The following TAFA1 variants were observed in gnomAD, a reference collection of about 807,000 sequenced individuals.
TAFA1 encodes the protein chemokine-like protein TAFA-1.
TAFA1 carries 4 observed loss-of-function variants against 18.5 expected under a neutral mutation model. That is an observed-to-expected ratio of 0.22 (90% CI 0.11 to 0.49). TAFA1 has a LOEUF of 0.49. Ranked by LOEUF, TAFA1 falls within the 20% of genes least tolerant of loss-of-function variation. The probability of loss-of-function intolerance (pLI) is 0.98; values close to 1 mark genes in which losing one functional copy is unlikely to be tolerated. For synonymous variants in TAFA1, 56 were observed against 55.2 expected (o/e 1.01, Z -0.06); for missense variants, 147 against 169.0 (o/e 0.87, Z 0.72).
chr3:68,452,387 G>T (rs1271988471), intron 3 of TAFA1, among the ~76,000 whole-genome samples: 22 of 151,958 alleles, frequency 1.4e-4, no homozygotes, highest in Admixed American at 1.4e-3. Flanking sequence ...GCTGGGCGTT[G>T]TTGCAGGAAC....
chr3:68,056,037 T>C (rs1329717110), intron 2 of TAFA1, among the ~76,000 whole-genome samples: 1 of 152,278 alleles, frequency 6.6e-6, no homozygotes, highest in African/African-American at 2.4e-5. Flanking sequence ...GGTCCAACTA[T>C]CCAATTCCAT....
intron 3 of TAFA1, among the ~76,000 whole-genome samples, chr3:68,466,715 A>G (rs1438487508): frequency 6.6e-6 from 1 of 152,286 alleles, no homozygotes; most frequent in Middle Eastern, 3.4e-3. Context: ...TTATTTTAAC[A>G]TTAGCTCATT....
chr3:68,058,471 T>C (rs1170631933), intron 2 of TAFA1, among the ~76,000 whole-genome samples: 1 of 152,168 alleles, frequency 6.6e-6, no homozygotes, highest in Non-Finnish European at 1.5e-5. Flanking sequence ...TGTAAGATCA[T>C]TTTCCCCTTC....
At chr3:68,506,952 GC>G (rs200162913) in intron 3 of TAFA1, among the ~76,000 whole-genome samples, 7,058 of 152,060 alleles carry the variant, frequency 0.046, 241 homozygotes, top group Non-Finnish European at 0.067. Context: ...GTTTATTATG[GC>G]CTCACGCAAA....
intron 2 of TAFA1, among the ~76,000 whole-genome samples, chr3:68,076,381 T>A (rs1240360974): frequency 1.3e-5 from 2 of 151,800 alleles, no homozygotes; most frequent in East Asian, 3.9e-4. Flanking sequence ...TATGTATACA[T>A]GTGCCATGCT....
At chr3:68,089,938 G>A (rs987064089) in intron 2 of TAFA1, among the ~76,000 whole-genome samples, 1 of 152,180 alleles carries the variant, frequency 6.6e-6, no homozygotes, top group Non-Finnish European at 1.5e-5. Flanking sequence ...CTCTGAGAAT[G>A]AAATTGGCTG....
chr3:68,211,460 C>G (rs747911146), intron 2 of TAFA1, among the ~76,000 whole-genome samples: 4 of 152,032 alleles, frequency 2.6e-5, no homozygotes, highest in African/African-American at 4.8e-5. Flanking sequence ...TATTTACTGA[C>G]ATTCTACCAT....
intron 2 of TAFA1, among the ~76,000 whole-genome samples, chr3:68,362,554 A>G (rs923938791): frequency 6.6e-6 from 1 of 152,154 alleles, no homozygotes; most frequent in African/African-American, 2.4e-5. Context: ...CTCAACGTAT[A>G]AGCTTCTGAG....
chr3:68,233,662 A>G (rs1261261922), intron 2 of TAFA1, among the ~76,000 whole-genome samples: 1 of 152,052 alleles, frequency 6.6e-6, no homozygotes, highest in Non-Finnish European at 1.5e-5. Flanking sequence ...GAAGAATGTC[A>G]TTGGTATTTT....
chr3:68,183,317 C>G (rs191127548), intron 2 of TAFA1, among the ~76,000 whole-genome samples: 3 of 152,172 alleles, frequency 2.0e-5, no homozygotes, highest in East Asian at 3.9e-4. Context: ...TCATTATGCC[C>G]CATGATTGGA....
At chr3:68,261,624 G>A (rs1005016974) in intron 2 of TAFA1, among the ~76,000 whole-genome samples, 1 of 152,138 alleles carries the variant, frequency 6.6e-6, no homozygotes, top group Non-Finnish European at 1.5e-5. Flanking sequence ...TAGGGGCATA[G>A]ATGAAACTGG....
chr3:68,391,218 C>G (rs1034766387), intron 2 of TAFA1, among the ~76,000 whole-genome samples: 3 of 151,968 alleles, frequency 2.0e-5, no homozygotes, highest in Non-Finnish European at 4.4e-5. Flanking sequence ...GAAGCATATA[C>G]AAGTGTCAAT....
intron 2 of TAFA1, among the ~76,000 whole-genome samples, chr3:68,201,874 C>T (rs769720465): frequency 2.5e-4 from 38 of 151,768 alleles, no homozygotes; most frequent in Non-Finnish European, 4.7e-4. Context: ...TGCCATAACA[C>T]GATGGAGAAT....
At chr3:68,395,730 C>T (rs1001885496) in intron 2 of TAFA1, among the ~76,000 whole-genome samples, 8 of 152,148 alleles carry the variant, frequency 5.3e-5, no homozygotes, top group African/African-American at 1.9e-4. Flanking sequence ...ACTGCATATT[C>T]TCACTCATAA....
chr3:68,362,980 C>CTTTTTTTTTTT (rs10681792), intron 2 of TAFA1, among the ~76,000 whole-genome samples: 1 of 75,016 alleles, frequency 1.3e-5, no homozygotes, highest in African/African-American at 5.6e-5. Context: ...GTCTTGCAGG[C>CTTTTTTTTTTT]TTTTTTTTTT....
chr3:68,285,416 T>C (rs2067979836), intron 2 of TAFA1, among the ~76,000 whole-genome samples: 2 of 152,130 alleles, frequency 1.3e-5, no homozygotes, highest in South Asian at 4.1e-4. Context: ...TTTTACTATA[T>C]GTGCATATAT....
In TAFA1 at chr3:68,010,588, C is replaced by T. The variant is rs551652089; in HGVS notation, c.118+3844C>T. The stretch of plus-strand genomic sequence containing the variant: ...GAAAACTGACTCATTTTAATGTATT[C>T]GCCTGCAGTCTCTAACTACTTCCTA... On this transcript the variant is annotated intron_variant, in intron 2 of 4. Coordinates refer to ENST00000478136, the MANE Select transcript of TAFA1 (RefSeq NM_213609.4). Among the ~76,000 whole-genome samples the T allele has an allele frequency of 7.2e-5, 11 of 152,256 alleles. 1 individual carries two copies. Among genetic ancestry groups the T allele is most frequent in the African/African-American group, 2.2e-4 (9 of 41,556 alleles).
At chr3:68,263,665 C>T (rs901691600) in intron 2 of TAFA1, among the ~76,000 whole-genome samples, 8 of 151,856 alleles carry the variant, frequency 5.3e-5, no homozygotes, top group East Asian at 3.9e-4. Context: ...GGGCGGGGGG[C>T]GGTCAGGACT....
chr3:68,313,919 G>A (rs1229558701), intron 2 of TAFA1, among the ~76,000 whole-genome samples: 1 of 152,160 alleles, frequency 6.6e-6, no homozygotes, highest in Non-Finnish European at 1.5e-5. Context: ...ATATTAGCCT[G>A]CAGATATCAA....
Sources: allele counts gnomAD v4.1 joint callset (sites outside exome capture counted in the v4.1 genomes callset), GRCh38; gene constraint gnomAD v4.1.1; transcripts MANE v1.5; gene names NCBI Gene and HGNC (gene_info 2026-07-23, HGNC 2026-07-21).